CLUAP1: variants seen among roughly 807,000 people sequenced by gnomAD.
The protein encoded by CLUAP1 is intraflagellar transport 38, also known as clusterin-associated protein 1.
In CLUAP1, 50 loss-of-function variants were observed where a neutral mutation model predicts 55.0. The ratio of observed to expected loss-of-function variants is 0.91; its 90% CI spans 0.72 to 1.15. The LOEUF (loss-of-function observed/expected upper bound fraction) is 1.15. Ranked by LOEUF, CLUAP1 falls within the 50% of genes most tolerant of loss-of-function variation. CLUAP1 has a pLI of 0.00. For missense variants in CLUAP1, 530 were observed against 507.6 expected, an observed-to-expected ratio of 1.04 and a Z score of -0.42; for synonymous variants, 195 against 175.4, an observed-to-expected ratio of 1.11 and a Z score of -0.88.
Position 3,508,456 on chromosome 16 carries a change from T to A in CLUAP1, c.387T>A (p.Asp129Glu). The change falls in exon 4 of 12, where the codon GAT becomes GAA. Residue 129 changes from aspartate to glutamate, a missense_variant. Asp to Glu is a conservative substitution (Grantham distance 45). Coordinates refer to ENST00000576634, the MANE Select transcript of CLUAP1 (RefSeq NM_015041.3). ...VEEDVNKFKF[D>E]LGSKIADLKA... ...AAGATGTCAACAAGTTCAAGTTTGA[T>A]CTTGGCTCAAAGGTAAGGACAACAA... 2 of 1,575,144 alleles carry A rather than the reference T, an allele frequency of 1.3e-6. No individual in the cohort carries two copies. The highest frequency in any genetic ancestry group is 8.6e-7 in the Non-Finnish European group (1 of 1,169,244).
At chr16:3,500,800 CAG>C (rs2037376900), upstream of CLUAP1, 8 of 546,142 alleles carry the variant, frequency 1.5e-5, no homozygotes, top group African/African-American at 1.3e-4. Context: ...AGCGTGTAAA[CAG>C]ACGCCCAGAA....
At chr16:3,529,551 T>A (rs1239783249) in intron 9 of CLUAP1, among the ~76,000 whole-genome samples, 10 of 54,394 alleles carry the variant, frequency 1.8e-4, no homozygotes, top group East Asian at 1.3e-3. Flanking sequence ...TTATTATATA[T>A]TATATATTAT....
At chr16:3,505,605 A>G (rs1490198559) in intron 2 of CLUAP1, among the ~76,000 whole-genome samples, 7 of 152,146 alleles carry the variant, frequency 4.6e-5, no homozygotes, top group African/African-American at 1.4e-4. Context: ...GGGAGTGGGA[A>G]ATATACCAGG....
upstream of CLUAP1, among the ~76,000 whole-genome samples, chr16:3,500,174 C>A (rs563296120): frequency 1.2e-4 from 19 of 152,274 alleles, no homozygotes; most frequent in African/African-American, 4.6e-4. Flanking sequence ...TGCCGGGACC[C>A]GCGCGGCGCG....
upstream of CLUAP1, chr16:3,496,386 T>C: frequency 8.6e-7 from 1 of 1,164,424 alleles, no homozygotes; most frequent in Non-Finnish European, 1.2e-6. Context: ...CGGCCACCTC[T>C]GTCCGTTTCC....
At chr16:3,509,492 C>T (rs1010630399) in intron 4 of CLUAP1, among the ~76,000 whole-genome samples, 11 of 152,310 alleles carry the variant, frequency 7.2e-5, no homozygotes, top group Middle Eastern at 6.8e-3. Flanking sequence ...AAGCAGCGAG[C>T]CTGTTTGGAG....
At chr16:3,513,772 C>T (rs1236166079) in intron 5 of CLUAP1, among the ~76,000 whole-genome samples, 1 of 152,136 alleles carries the variant, frequency 6.6e-6, no homozygotes, top group Non-Finnish European at 1.5e-5. Context: ...GTGTTTAATC[C>T]TTACCTGTAA....
chr16:3,529,777 A>T (rs2038065700), intron 9 of CLUAP1, among the ~76,000 whole-genome samples: 1 of 57,470 alleles, frequency 1.7e-5, no homozygotes, highest in Non-Finnish European at 2.9e-5. Flanking sequence ...ATATTATTAT[A>T]TATTATATAA....
chr16:3,534,755 T>A (rs1205578385), intron 11 of CLUAP1: 1 of 152,296 alleles, frequency 6.6e-6, no homozygotes, highest in Non-Finnish European at 1.5e-5. Context: ...AGTTTCATTT[T>A]CTGAGATGGG....
chr16:3,509,564 G>A (rs2037579382), intron 4 of CLUAP1, among the ~76,000 whole-genome samples: 1 of 152,164 alleles, frequency 6.6e-6, no homozygotes, highest in Admixed American at 6.5e-5. Flanking sequence ...CAGGTGTCAG[G>A]GAGCGACCAC....
upstream of CLUAP1, chr16:3,496,354 GTTGT>G (rs751870076): frequency 8.5e-7 from 1 of 1,175,046 alleles, no homozygotes; most frequent in Non-Finnish European, 1.2e-6. Context: ...TGCTGAAGAG[GTTGT>G]TTATGAGTCG....
chr16:3,527,363 A>T (rs1339858653), intron 9 of CLUAP1, among the ~76,000 whole-genome samples: 1 of 152,008 alleles, frequency 6.6e-6, no homozygotes, highest in Non-Finnish European at 1.5e-5. Flanking sequence ...GTGAGAAGTG[A>T]CCAGAAGACA....
chr16:3,509,102 A>T (rs2037566535), intron 4 of CLUAP1, among the ~76,000 whole-genome samples: 1 of 152,100 alleles, frequency 6.6e-6, no homozygotes, highest in African/African-American at 2.4e-5. Context: ...ACCAAAAAAA[A>T]GAAAAAAATT....
At position 3,501,226 on chromosome 16, in the gene CLUAP1, C is replaced by G. The variant is rs2037392930; in HGVS notation, c.22+137C>G. The G allele has an allele frequency of 3.5e-6, 3 of 856,898 alleles. No individual in the cohort carries two copies. In the South Asian group the frequency reaches 4.9e-5, roughly 14 times the overall value. The allele number at this position is 856,898 out of a possible 1,614,324, so 53.1% of individuals were successfully genotyped here. ...TTTCGGGCCTCTGCGCCTCAGGGAC[C>G]GCCTGACCCGCGGCTGCAACCCGGC... On this transcript the variant is annotated intron_variant, in intron 1 of 11. Transcript: ENST00000576634.
At chr16:3,526,556 G>GAT (rs202028616) in intron 9 of CLUAP1, 72 bp downstream of exon 9, 55 of 785,366 alleles carry the variant, frequency 7.0e-5, no homozygotes, top group Non-Finnish European at 7.8e-5. Context: ...TATATAGAGA[G>GAT]ATATATATAT....
At chr16:3,524,264 T>G (rs1195877721) in intron 8 of CLUAP1, among the ~76,000 whole-genome samples, 1 of 149,722 alleles carries the variant, frequency 6.7e-6, no homozygotes, top group African/African-American at 2.5e-5. Context: ...ATCATGCCAC[T>G]GCACTCCAGC....
chr16:3,532,922 C>T (rs980093566), intron 11 of CLUAP1, 81 bp downstream of exon 11: 1 of 1,531,978 alleles, frequency 6.5e-7, no homozygotes, highest in African/African-American at 1.4e-5. Context: ...GAGTTGCTGT[C>T]AGCAGCCAGG....
chr16:3,498,902 A>AAAC (rs1555491454), upstream of CLUAP1, among the ~76,000 whole-genome samples: 217 of 152,204 alleles, frequency 1.4e-3, 1 homozygote, highest in African/African-American at 5.1e-3. Flanking sequence ...ACAACAAAAA[A>AAAC]AAGTGAAAAG....
chr16:3,521,884 A>G (rs2037844693), intron 7 of CLUAP1, among the ~76,000 whole-genome samples: 1 of 151,982 alleles, frequency 6.6e-6, no homozygotes, highest in African/African-American at 2.4e-5. Flanking sequence ...GCGAAACCCC[A>G]TCTCTACAAA....
Sources: gnomAD v4.1 joint callset for allele counts (sites outside exome capture counted in the v4.1 genomes callset) on GRCh38, gnomAD v4.1.1 for gene constraint, MANE v1.5 for transcripts, NCBI Gene and HGNC (gene_info 2026-07-23, HGNC 2026-07-21) for gene names.